Variants in ZFHX3 observed in about 807,000 individuals in gnomAD.
ZFHX3 encodes the protein zinc finger homeobox 3.
A neutral mutation model predicts 279.1 loss-of-function variants in ZFHX3; 42 were observed. The observed-to-expected ratio is 0.15, with a 90% CI of 0.12 to 0.19. The LOEUF (loss-of-function observed/expected upper bound fraction) is 0.19. ZFHX3 is among the 10% of genes least tolerant of loss of function. The pLI, the probability that ZFHX3 is intolerant of heterozygous loss-of-function variation, is 1.00. For synonymous variants in ZFHX3, 2,293 were observed against 1,957.8 expected, an observed-to-expected ratio of 1.17 and a Z score of -4.52; for missense variants, 4,981 against 4,754.0, an observed-to-expected ratio of 1.05 and a Z score of -1.40.
At chr16:72,934,216 G>A (rs1756433984) in intron 3 of ZFHX3, among the ~76,000 whole-genome samples, 1 of 152,194 alleles carries the variant, frequency 6.6e-6, no homozygotes, top group African/African-American at 2.4e-5. Flanking sequence ...CTTGAGGTCA[G>A]GAGTTCGAGA....
intron 5 of ZFHX3, among the ~76,000 whole-genome samples, chr16:73,146,289 G>C (rs1270074007): frequency 2.0e-5 from 3 of 152,106 alleles, no homozygotes; most frequent in Admixed American, 6.6e-5. Context: ...TTAACTGGGC[G>C]TGGTGGCACA....
chr16:73,037,092 C>T (rs1964936296), intron 1 of ZFHX3, among the ~76,000 whole-genome samples: 1 of 152,116 alleles, frequency 6.6e-6, no homozygotes, highest in Admixed American at 6.5e-5. Flanking sequence ...TACAAGAGAA[C>T]CCCAGATTTA....
chr16:73,623,197 C>T (rs1056669664), intron 2 of ZFHX3, among the ~76,000 whole-genome samples: 3 of 152,050 alleles, frequency 2.0e-5, no homozygotes, highest in Admixed American at 6.5e-5. Flanking sequence ...CCACCGCACC[C>T]GGCTAATTTT....
chr16:73,793,220 G>A (rs993954964), intron 1 of ZFHX3, among the ~76,000 whole-genome samples: 2 of 152,226 alleles, frequency 1.3e-5, no homozygotes, highest in Admixed American at 1.3e-4. Flanking sequence ...GGGGGAATAA[G>A]ATGTGGCTTT....
Position 72,959,327 on chromosome 16 carries a change from C to T in ZFHX3, c.819G>A (p.Val273=). Residue 273 remains valine (V), a synonymous_variant, in exon 2 of 10, where the codon GTG becomes GTA. Transcript: ENST00000268489. ...GGATGGGCTTCCTCTTGCCATAGAG[C>T]ACAAAGCCATCGAATTTGGACAGGT... is the stretch of plus-strand genomic sequence containing the variant. The part of the protein sequence containing the change: ...NVDLSKFDGF[V]LYGKRKPILM... 6.2e-7 allele frequency: 1 copy of T among 1,614,218 alleles called. No individual in the cohort carries two copies. Among genetic ancestry groups the T allele is most frequent in the Non-Finnish European group, 8.5e-7 (1 of 1,180,044 alleles).
At chr16:73,486,933 A>G (rs2018985588) in intron 2 of ZFHX3, 1 of 445,924 alleles carries the variant, frequency 2.2e-6, no homozygotes, top group Admixed American at 2.5e-5. Context: ...TGTAAGGCCA[A>G]GGCAATTTGG....
intron 3 of ZFHX3, among the ~76,000 whole-genome samples, chr16:72,915,559 G>A (rs1325551337): frequency 4.6e-5 from 7 of 152,132 alleles, no homozygotes; most frequent in African/African-American, 4.8e-5. Flanking sequence ...AGGAAGTCGA[G>A]ACCAGCCTGG....
At chr16:72,942,908 A>G (rs1160777938) in intron 3 of ZFHX3, among the ~76,000 whole-genome samples, 2 of 152,208 alleles carry the variant, frequency 1.3e-5, no homozygotes, top group African/African-American at 4.8e-5. Flanking sequence ...CCAGAGAGAA[A>G]TAGGAAAAGG....
chr16:73,782,162 C>G (rs1959493483), intron 1 of ZFHX3, among the ~76,000 whole-genome samples: 1 of 152,128 alleles, frequency 6.6e-6, no homozygotes. Flanking sequence ...ACAAAGTTAA[C>G]CGTACACGGA....
chr16:73,871,710 G>A (rs968994178), intron 1 of ZFHX3, among the ~76,000 whole-genome samples: 2 of 152,076 alleles, frequency 1.3e-5, no homozygotes, highest in Non-Finnish European at 2.9e-5. Context: ...CAAAGCTTAT[G>A]GCAGTCTCTC....
At chr16:73,537,597 A>G (rs904896037) in intron 2 of ZFHX3, among the ~76,000 whole-genome samples, 12 of 152,104 alleles carry the variant, frequency 7.9e-5, no homozygotes, top group Non-Finnish European at 1.3e-4. Flanking sequence ...ATTACAGATC[A>G]CTTCTTAATG....
chr16:73,566,341 C>T (rs1374953862), intron 2 of ZFHX3, among the ~76,000 whole-genome samples: 1 of 152,214 alleles, frequency 6.6e-6, no homozygotes, highest in African/African-American at 2.4e-5. Flanking sequence ...CCCAGAGCTG[C>T]CATACCAAAT....
intron 1 of ZFHX3, among the ~76,000 whole-genome samples, chr16:72,969,929 C>G (rs1317245660): frequency 1.3e-5 from 2 of 152,228 alleles, no homozygotes; most frequent in Admixed American, 1.3e-4. Context: ...GGTGCTTGAA[C>G]AGGCGCCTTG....
intron 2 of ZFHX3, among the ~76,000 whole-genome samples, chr16:73,677,162 AC>A (rs2052963314): frequency 6.6e-6 from 1 of 151,986 alleles, no homozygotes; most frequent in Non-Finnish European, 1.5e-5. Context: ...AAATATGTCA[AC>A]AAAATTTAAG....
At chr16:73,543,868 G>A (rs565589879) in intron 2 of ZFHX3, 72 of 149,168 alleles carry the variant, frequency 4.8e-4, no homozygotes, top group Admixed American at 4.1e-3. Flanking sequence ...GAGAGAGGGA[G>A]AGAGAGAGCG....
At chr16:73,758,120 A>T (rs2053829184) in intron 1 of ZFHX3, among the ~76,000 whole-genome samples, 1 of 152,174 alleles carries the variant, frequency 6.6e-6, no homozygotes, top group South Asian at 2.1e-4. Context: ...ATGCCTCTGA[A>T]ATAAGGAGCT....
At chr16:73,417,207 G>A (rs2017606813) in intron 3 of ZFHX3, among the ~76,000 whole-genome samples, 2 of 151,856 alleles carry the variant, frequency 1.3e-5, no homozygotes, top group Admixed American at 6.6e-5. Context: ...GAAAAACAAG[G>A]GAGGACTGAG....
intron 2 of ZFHX3, among the ~76,000 whole-genome samples, chr16:73,541,289 A>G (rs1368302120): frequency 1.3e-5 from 2 of 152,128 alleles, no homozygotes; most frequent in East Asian, 3.9e-4. Flanking sequence ...ATTTGAGACC[A>G]GCCTGAGCAA....
At chr16:73,563,238 GTTTTTGTTTTT>G (rs1168888123) in intron 2 of ZFHX3, among the ~76,000 whole-genome samples, 2 of 138,370 alleles carry the variant, frequency 1.4e-5, no homozygotes, top group African/African-American at 5.4e-5. Flanking sequence ...TTTTTGTTTT[GTTTTTGTTTTT>G]TTTTTTGAGA....
Sources: allele counts gnomAD v4.1 joint callset (sites outside exome capture counted in the v4.1 genomes callset), GRCh38; gene constraint gnomAD v4.1.1; transcripts MANE v1.5; gene names NCBI Gene and HGNC (gene_info 2026-07-23, HGNC 2026-07-21).